The following KCNU1 variants were observed in gnomAD, a reference collection of about 807,000 sequenced individuals.
KCNU1 encodes the protein potassium channel subfamily U member 1.
KCNU1 carries 93 observed loss-of-function variants against 126.8 expected under a neutral mutation model. That is an observed-to-expected ratio of 0.73 (90% CI 0.62 to 0.87). The LOEUF (loss-of-function observed/expected upper bound fraction) is 0.87, where lower values mean the gene tolerates loss of function less well. KCNU1 is among the 40% of genes least tolerant of loss of function. The pLI is 0.00. For missense variants in KCNU1, 1,330 were observed against 1,367.1 expected, an observed-to-expected ratio of 0.97 and a Z score of 0.43; for synonymous variants, 523 against 494.2, an observed-to-expected ratio of 1.06 and a Z score of -0.77.
At chr8:36,829,281 C>A (rs948717891) in intron 10 of KCNU1, among the ~76,000 whole-genome samples, 4 of 151,814 alleles carry the variant, frequency 2.6e-5, no homozygotes, top group Non-Finnish European at 5.9e-5. Flanking sequence ...TTATTATAGT[C>A]AAATATTGAA....
intron 18 of KCNU1, among the ~76,000 whole-genome samples, chr8:36,849,400 C>T (rs989377999): frequency 6.6e-6 from 1 of 152,044 alleles, no homozygotes; most frequent in East Asian, 1.9e-4. Flanking sequence ...ACCAGCCTGG[C>T]CAACATGGTG....
At chr8:36,798,514 A>T (rs1803188600) in intron 2 of KCNU1, among the ~76,000 whole-genome samples, 1 of 152,176 alleles carries the variant, frequency 6.6e-6, no homozygotes. Context: ...AATCCTGAAG[A>T]ACTTAACTAA....
chr8:36,834,323 T>C (rs948462619), intron 11 of KCNU1, among the ~76,000 whole-genome samples: 16 of 152,188 alleles, frequency 1.1e-4, no homozygotes, highest in African/African-American at 3.9e-4. Flanking sequence ...GTAAGAGCCA[T>C]TTCAGTAATT....
intron 26 of KCNU1, among the ~76,000 whole-genome samples, chr8:36,934,587 AC>A (rs1321229315): frequency 1.3e-5 from 2 of 152,140 alleles, no homozygotes; most frequent in Non-Finnish European, 2.9e-5. Context: ...TTTGTTTTAA[AC>A]AGAATATGTG....
intron 3 of KCNU1, 42 bp downstream of exon 3, chr8:36,804,130 C>G: frequency 3.8e-6 from 5 of 1,326,190 alleles, no homozygotes; most frequent in Non-Finnish European, 5.3e-6. Flanking sequence ...TATATCAGTA[C>G]ATTGCTCGGC....
chr8:36,843,059 G>C (rs1290708508), intron 16 of KCNU1, among the ~76,000 whole-genome samples: 1 of 152,156 alleles, frequency 6.6e-6, no homozygotes, highest in East Asian at 1.9e-4. Flanking sequence ...TCTTTCTCAA[G>C]TCTCCATGAT....
intron 19 of KCNU1, 50 bp downstream of exon 19, chr8:36,864,571 T>A: frequency 1.0e-6 from 1 of 992,260 alleles, no homozygotes; most frequent in Non-Finnish European, 1.6e-6. Flanking sequence ...TGAGAATCAG[T>A]GGGCCATATA....
At chr8:36,909,570 A>G (rs910529989) in intron 21 of KCNU1, 35 bp downstream of exon 21, 2 of 1,201,776 alleles carry the variant, frequency 1.7e-6, no homozygotes, top group Middle Eastern at 2.3e-4. Context: ...AATATTTATA[A>G]GGATTTCAAT....
At chr8:36,811,355 A>C (rs1047206490) in intron 7 of KCNU1, among the ~76,000 whole-genome samples, 1 of 152,124 alleles carries the variant, frequency 6.6e-6, no homozygotes, top group Non-Finnish European at 1.5e-5. Flanking sequence ...GTCCTGGGAT[A>C]AAAAAGATAA....
chr8:36,812,177 C>G (rs115577709), intron 7 of KCNU1, among the ~76,000 whole-genome samples: 8,262 of 151,892 alleles, frequency 0.054, 787 homozygotes, highest in African/African-American at 0.19. Context: ...GTTGGGAGTT[C>G]GAGACCAGCC....
At position 36,930,945 on chromosome 8, in the gene KCNU1, T is replaced by G. The variant is rs1808683311; in HGVS notation, c.2737-6T>G. The G allele has an allele frequency of 6.3e-7, 1 of 1,595,454 alleles. No homozygotes were observed. ...ACTTTGCATGTGGCTTGTCCTTGTT[T>G]TCCAGGCCTTCTACAATTATCATGT... On this transcript the variant is annotated splice_polypyrimidine_tract_variant and splice_region_variant and intron_variant, in intron 24 of 26. Transcript: ENST00000399881.
At position 36,936,053 on chromosome 8, in the gene KCNU1, C is replaced by A; in HGVS notation, c.*133C>A. The A allele has an allele frequency of 1.3e-6, 1 of 745,968 alleles. No individual in the cohort carries two copies. Among genetic ancestry groups the A allele is most frequent in the Non-Finnish European group, 2.1e-6 (1 of 475,772 alleles). The allele number at this position is 745,968 out of a possible 1,614,324, so 46.2% of individuals were successfully genotyped here. On this transcript the variant is annotated 3_prime_UTR_variant, in exon 27 of 27. Transcript: ENST00000399881. Reference sequence around the variant, plus strand: ...CCATTGCTTAGTGGTTCATGAAGGCCACACTGTTTTGGGTGAGACAAAAGT... The same window carrying A: ...CCATTGCTTAGTGGTTCATGAAGGCAACACTGTTTTGGGTGAGACAAAAGT...
At chr8:36,867,617 G>T (rs137945725) in intron 19 of KCNU1, among the ~76,000 whole-genome samples, 1 of 152,062 alleles carries the variant, frequency 6.6e-6, no homozygotes, top group South Asian at 2.1e-4. Flanking sequence ...TCTCTCACAC[G>T]TCTTCTCTGT....
intron 2 of KCNU1, among the ~76,000 whole-genome samples, chr8:36,798,962 C>T (rs1404383406): frequency 2.0e-5 from 3 of 152,114 alleles, no homozygotes; most frequent in Non-Finnish European, 2.9e-5. Flanking sequence ...CTCTTATCGT[C>T]GACAGTCTGA....
At chr8:36,845,541 A>T (rs921440432) in intron 16 of KCNU1, 39 bp from the exon 17 acceptor site, 1 of 1,223,402 alleles carries the variant, frequency 8.2e-7, no homozygotes, top group African/African-American at 1.5e-5. Context: ...CACTGAAATC[A>T]GAGGGAAACA....
At chr8:36,857,624 T>C (rs866505628) in intron 18 of KCNU1, among the ~76,000 whole-genome samples, 25 of 130,532 alleles carry the variant, frequency 1.9e-4, no homozygotes, top group African/African-American at 5.9e-4. Context: ...GTTTGTTGTT[T>C]GTTTTTTGTT....
intron 23 of KCNU1, among the ~76,000 whole-genome samples, 191 bp downstream of exon 23, chr8:36,919,088 G>A (rs1290067132): frequency 6.6e-6 from 1 of 152,136 alleles, no homozygotes; most frequent in Non-Finnish European, 1.5e-5. Flanking sequence ...CTGGTGTCAG[G>A]GTTCAGAAAT....
rs62488561 is a variant in KCNU1 at position 36,930,630 on chromosome 8, C to T, written c.2737-321C>T. On this transcript the variant is annotated intron_variant, in intron 24 of 26. Transcript: ENST00000399881. ...GATGATTAGGGTATCTGTGACCTGA[C>T]ATGTATACCCCCTCTGGTCATTTTG... Among the ~76,000 whole-genome samples, 1,377 of 152,192 alleles carry T rather than the reference C, an allele frequency of 9.0e-3. 11 individuals carry two copies. The highest frequency in any genetic ancestry group is 0.034 in the Middle Eastern group (10 of 294).
intron 12 of KCNU1, 123 bp downstream of exon 12, chr8:36,834,991 T>C (rs1585433758): frequency 4.6e-6 from 3 of 655,010 alleles, no homozygotes; most frequent in Non-Finnish European, 7.9e-6. Context: ...TTCATCATAT[T>C]CCAAGGTTCT....
Sources: allele counts gnomAD v4.1 joint callset (sites outside exome capture counted in the v4.1 genomes callset), GRCh38; gene constraint gnomAD v4.1.1; transcripts MANE v1.5; gene names NCBI Gene and HGNC (gene_info 2026-07-23, HGNC 2026-07-21).